The following SIPA1L1 variants were observed in gnomAD, a reference collection of about 807,000 sequenced individuals.
The protein encoded by SIPA1L1 is signal induced proliferation associated 1 like 1.
A neutral mutation model predicts 162.7 loss-of-function variants in SIPA1L1; 26 were observed. The observed-to-expected ratio is 0.16, with a 90% CI of 0.12 to 0.22. The LOEUF is 0.22. Among genes scored for constraint, SIPA1L1 ranks in the 10% least tolerant of loss-of-function variants. The pLI is 1.00. For synonymous variants in SIPA1L1, 829 were observed against 837.4 expected (o/e 0.99, Z 0.17); for missense variants, 1,874 against 2,241.0 (o/e 0.84, Z 3.31).
chr14:71,360,809 T>C (rs969089152), intron 2 of SIPA1L1, among the ~76,000 whole-genome samples: 4 of 152,228 alleles, frequency 2.6e-5, no homozygotes, highest in African/African-American at 7.2e-5. Flanking sequence ...ATGTATCTAC[T>C]TGATCTGTTC....
At chr14:71,609,198 TTTG>T (rs2037894271) in intron 5 of SIPA1L1, among the ~76,000 whole-genome samples, 1 of 152,114 alleles carries the variant, frequency 6.6e-6, no homozygotes, top group African/African-American at 2.4e-5. Flanking sequence ...GTCTTAATTT[TTTG>T]TTGTTGTTGC....
intron 22 of SIPA1L1, chr14:71,735,599 A>G (rs984812580): frequency 2.2e-5 from 11 of 491,194 alleles, no homozygotes; most frequent in Non-Finnish European, 3.6e-5. Flanking sequence ...TACGGCCATA[A>G]TGATGAATAT....
At chr14:71,619,960 G>A (rs538243256) in intron 6 of SIPA1L1, among the ~76,000 whole-genome samples, 13 of 152,302 alleles carry the variant, frequency 8.5e-5, no homozygotes, top group Admixed American at 5.2e-4. Flanking sequence ...ATTAAGTGGT[G>A]TAAATTATTT....
At chr14:71,336,165 ATTAT>A (rs1243726742) in intron 2 of SIPA1L1, among the ~76,000 whole-genome samples, 2 of 152,312 alleles carry the variant, frequency 1.3e-5, no homozygotes, top group Admixed American at 6.5e-5. Context: ...GGTTGCAGTA[ATTAT>A]TTATGTACTC....
intron 2 of SIPA1L1, among the ~76,000 whole-genome samples, chr14:71,383,753 C>G (rs2040095852): frequency 6.6e-6 from 1 of 151,892 alleles, no homozygotes; most frequent in Admixed American, 6.6e-5. Flanking sequence ...CTAACTGAGC[C>G]AGAACTCACT....
chr14:71,427,692 G>C (rs537709108), intron 2 of SIPA1L1, among the ~76,000 whole-genome samples: 1 of 151,890 alleles, frequency 6.6e-6, no homozygotes, highest in Non-Finnish European at 1.5e-5. Context: ...CCTCAAATCT[G>C]CCTTTGATTC....
chr14:71,410,077 T>G (rs1014390892), intron 2 of SIPA1L1, among the ~76,000 whole-genome samples: 1 of 152,234 alleles, frequency 6.6e-6, no homozygotes, highest in Non-Finnish European at 1.5e-5. Flanking sequence ...TCATCTGTTT[T>G]GCCTTTGTGC....
At chr14:71,700,994 C>CAAAAAAAAAAAAAAAA (rs539293669) in intron 14 of SIPA1L1, among the ~76,000 whole-genome samples, 2 of 51,736 alleles carry the variant, frequency 3.9e-5, no homozygotes, top group African/African-American at 7.6e-5. Flanking sequence ...GACTCCGTCT[C>CAAAAAAAAAAAAAAAA]AAAAAAAAAA....
intron 13 of SIPA1L1, among the ~76,000 whole-genome samples, chr14:71,698,069 A>G (rs2081788485): frequency 6.6e-6 from 1 of 152,326 alleles, no homozygotes; most frequent in Non-Finnish European, 1.5e-5. Flanking sequence ...TTCCTAAGTT[A>G]TAAAATGGAA....
At chr14:71,670,694 A>G (rs2149360236) in intron 10 of SIPA1L1, among the ~76,000 whole-genome samples, 1 of 152,346 alleles carries the variant, frequency 6.6e-6, no homozygotes, top group South Asian at 2.1e-4. Flanking sequence ...TAAAATGGAG[A>G]ACACATTTGT....
In SIPA1L1 at chr14:71,415,476, A is replaced by G. The variant is rs978031278; in HGVS notation, c.-465+94295A>G. On this transcript the variant is annotated intron_variant, in intron 2 of 23. Transcript: ENST00000381232. ...AAACATAACATCTTTGGAACTGCCAAGAATTGCTTAATGGTGAAGCAAGCA... is the reference window on the plus strand; with the variant it reads ...AAACATAACATCTTTGGAACTGCCAGGAATTGCTTAATGGTGAAGCAAGCA... 4.6e-5 allele frequency among the ~76,000 whole-genome samples: 7 copies of G among 152,344 alleles called. No individual in the cohort carries two copies. In the East Asian group the frequency reaches 1.2e-3, roughly 25 times the overall value.
chr14:71,610,961 T>C (rs551483571), intron 5 of SIPA1L1, among the ~76,000 whole-genome samples: 1 of 152,338 alleles, frequency 6.6e-6, no homozygotes, highest in East Asian at 1.9e-4. Context: ...GCAACAGTAA[T>C]TATAAGCTTA....
intron 4 of SIPA1L1, among the ~76,000 whole-genome samples, chr14:71,578,403 T>A (rs118099062): frequency 1.4e-3 from 209 of 152,236 alleles, no homozygotes; most frequent in Non-Finnish European, 2.5e-3. Context: ...TCTTTCTTCA[T>A]TCGTAAAATG....
intron 4 of SIPA1L1, among the ~76,000 whole-genome samples, chr14:71,536,388 GT>G (rs1256108841): frequency 3.3e-5 from 5 of 152,234 alleles, no homozygotes; most frequent in Admixed American, 2.6e-4. Flanking sequence ...CAGTTGGTCA[GT>G]GATGATCCCC....
At chr14:71,446,824 A>G (rs1239768426) in intron 2 of SIPA1L1, among the ~76,000 whole-genome samples, 3 of 151,036 alleles carry the variant, frequency 2.0e-5, no homozygotes, top group African/African-American at 7.3e-5. Flanking sequence ...TCTCTCCTTG[A>G]CAAACCATAT....
intron 3 of SIPA1L1, among the ~76,000 whole-genome samples, chr14:71,528,339 G>A (rs2053094286): frequency 6.6e-6 from 1 of 152,100 alleles, no homozygotes; most frequent in Non-Finnish European, 1.5e-5. Flanking sequence ...TAGACTACAT[G>A]ATTTTTGAGG....
intron 13 of SIPA1L1, among the ~76,000 whole-genome samples, chr14:71,698,066 G>A (rs1437356728): frequency 6.6e-6 from 1 of 152,174 alleles, no homozygotes; most frequent in Non-Finnish European, 1.5e-5. Context: ...CACTTCCTAA[G>A]TTATAAAATG....
At chr14:71,557,066 G>T (rs1474861111) in intron 4 of SIPA1L1, among the ~76,000 whole-genome samples, 5 of 152,164 alleles carry the variant, frequency 3.3e-5, no homozygotes, top group Non-Finnish European at 7.3e-5. Flanking sequence ...TAGGAGCTAG[G>T]AACTGTGGAC....
chr14:71,628,211 A>G (rs982305775), intron 7 of SIPA1L1, among the ~76,000 whole-genome samples: 5 of 152,248 alleles, frequency 3.3e-5, no homozygotes, highest in African/African-American at 1.2e-4. Flanking sequence ...TAGAAAATTC[A>G]GATACTTTTA....
Sources: gnomAD v4.1 joint callset for allele counts (sites outside exome capture counted in the v4.1 genomes callset) on GRCh38, gnomAD v4.1.1 for gene constraint, MANE v1.5 for transcripts, NCBI Gene and HGNC (gene_info 2026-07-23, HGNC 2026-07-21) for gene names.